PPM1L: variants seen among roughly 807,000 people sequenced by gnomAD.
PPM1L encodes protein phosphatase 1L.
Under a neutral mutation model 31.4 loss-of-function variants are expected in PPM1L, and 13 were observed. The ratio of observed to expected loss-of-function variants is 0.41; its 90% CI spans 0.27 to 0.66. The LOEUF is 0.66. Among genes scored for constraint, PPM1L ranks in the 30% least tolerant of loss-of-function variants. PPM1L has a pLI of 0.29. For synonymous variants in PPM1L, 184 were observed against 175.4 expected, an observed-to-expected ratio of 1.05 and a Z score of -0.39; for missense variants, 326 against 453.7, an observed-to-expected ratio of 0.72 and a Z score of 2.56.
At chr3:160,810,885 T>C (rs1712784464) in intron 1 of PPM1L, among the ~76,000 whole-genome samples, 1 of 152,208 alleles carries the variant, frequency 6.6e-6, no homozygotes, top group Non-Finnish European at 1.5e-5. Flanking sequence ...ATTTCAGGGA[T>C]ATTCAAAAGC....
chr3:160,921,678 A>C (rs1305653353), intron 1 of PPM1L, among the ~76,000 whole-genome samples: 1 of 152,178 alleles, frequency 6.6e-6, no homozygotes, highest in Admixed American at 6.5e-5. Flanking sequence ...GTGATCCTCA[A>C]ATTTTCTCAA....
At chr3:160,987,851 T>G (rs1024535328) in intron 2 of PPM1L, among the ~76,000 whole-genome samples, 7 of 152,260 alleles carry the variant, frequency 4.6e-5, no homozygotes, top group Non-Finnish European at 7.3e-5. Context: ...TAAAATGAGT[T>G]TTTAAATCGT....
At chr3:160,970,410 G>A (rs963471731) in intron 2 of PPM1L, among the ~76,000 whole-genome samples, 1 of 151,140 alleles carries the variant, frequency 6.6e-6, no homozygotes, top group Non-Finnish European at 1.5e-5. Flanking sequence ...AGGCTACGTA[G>A]GTGACTAATT....
chr3:160,939,447 T>C (rs1181868766), intron 1 of PPM1L, among the ~76,000 whole-genome samples: 1 of 152,148 alleles, frequency 6.6e-6, no homozygotes, highest in African/African-American at 2.4e-5. Flanking sequence ...TATGATATGG[T>C]TTGGCTGTGT....
intron 1 of PPM1L, among the ~76,000 whole-genome samples, chr3:160,862,658 ACACG>A (rs1352723826): frequency 9.3e-6 from 1 of 108,050 alleles, no homozygotes; most frequent in Non-Finnish European, 1.8e-5. Flanking sequence ...AATCCTAGGC[ACACG>A]CACACACACA....
intron 2 of PPM1L, among the ~76,000 whole-genome samples, chr3:160,985,114 A>G (rs1255852460): frequency 6.6e-6 from 1 of 152,200 alleles, no homozygotes; most frequent in African/African-American, 2.4e-5. Context: ...CTGCATTCAG[A>G]TGAATTACAC....
intron 1 of PPM1L, among the ~76,000 whole-genome samples, chr3:160,931,067 T>C (rs1714770106): frequency 1.3e-5 from 2 of 152,222 alleles, no homozygotes; most frequent in African/African-American, 4.8e-5. Flanking sequence ...TTCAGTTACA[T>C]GCTCTTCTAA....
chr3:161,038,089 C>T (rs1350602121), intron 2 of PPM1L, among the ~76,000 whole-genome samples: 1 of 151,712 alleles, frequency 6.6e-6, no homozygotes, highest in Non-Finnish European at 1.5e-5. Flanking sequence ...GAAAAATTAG[C>T]CGGGCGTAGT....
At chr3:160,875,252 A>C (rs1712465356) in intron 1 of PPM1L, among the ~76,000 whole-genome samples, 1 of 152,202 alleles carries the variant, frequency 6.6e-6, no homozygotes, top group Admixed American at 6.5e-5. Context: ...ACATTTTTGC[A>C]TCTTACAGTT....
At chr3:160,973,745 T>C (rs1472791390) in intron 2 of PPM1L, among the ~76,000 whole-genome samples, 1 of 136,278 alleles carries the variant, frequency 7.3e-6, no homozygotes, top group Non-Finnish European at 1.6e-5. Context: ...ATCTGGTAAA[T>C]TGCCTTCTGA....
At chr3:160,899,085 T>C (rs1713449985) in intron 1 of PPM1L, among the ~76,000 whole-genome samples, 1 of 152,166 alleles carries the variant, frequency 6.6e-6, no homozygotes, top group Non-Finnish European at 1.5e-5. Flanking sequence ...TGTTTTATTA[T>C]GTAAACCTAC....
chr3:160,980,030 G>A (rs1267472028), intron 2 of PPM1L, among the ~76,000 whole-genome samples: 1 of 151,940 alleles, frequency 6.6e-6, no homozygotes, highest in Non-Finnish European at 1.5e-5. Context: ...TCTACCCTGG[G>A]CCAGAACTGG....
chr3:160,832,167 T>C (rs1364081928), intron 1 of PPM1L, among the ~76,000 whole-genome samples: 1 of 152,192 alleles, frequency 6.6e-6, no homozygotes, highest in Admixed American at 6.5e-5. Context: ...TTGAGTTAAC[T>C]AACTAGAGTA....
chr3:161,038,886 A>T (rs921820443), intron 2 of PPM1L, among the ~76,000 whole-genome samples: 6 of 152,192 alleles, frequency 3.9e-5, no homozygotes, highest in Admixed American at 3.9e-4. Context: ...TCAGCAAAAA[A>T]TACAGGTCAT....
chr3:160,794,756 C>T (rs934258099), intron 1 of PPM1L, among the ~76,000 whole-genome samples: 11 of 152,078 alleles, frequency 7.2e-5, no homozygotes, highest in Admixed American at 4.6e-4. Context: ...ACATAAAATA[C>T]GCTAACATGA....
At chr3:160,869,866 A>G (rs2108028511) in intron 1 of PPM1L, among the ~76,000 whole-genome samples, 1 of 152,312 alleles carries the variant, frequency 6.6e-6, no homozygotes, top group Middle Eastern at 3.4e-3. Context: ...ATGTAGTTGC[A>G]TAGAGCTTAG....
In PPM1L at chr3:160,771,543, CTT is replaced by C. The variant is rs745978148; in HGVS notation, c.399+14862_399+14863del. On this transcript the variant is annotated intron_variant, in intron 1 of 3. Coordinates refer to ENST00000498165, the MANE Select transcript of PPM1L (RefSeq NM_139245.4). ...TAGTCACGAGCCACCAAGGCTGGCTCTTTTTTTTTTTTTTTTTTTTTTTTTTT... is the reference window on the plus strand; with the variant it reads ...TAGTCACGAGCCACCAAGGCTGGCTCTTTTTTTTTTTTTTTTTTTTTTTTT... Among the ~76,000 whole-genome samples, 322 of 77,364 alleles carry C rather than the reference CTT, an allele frequency of 4.2e-3. 1 individual carries two copies. Among genetic ancestry groups the C allele is most frequent in the South Asian group, 0.012 (20 of 1,656 alleles). 50.8% of individuals were successfully genotyped at this position (77,364 alleles called of 152,430 possible). A position where few individuals can be genotyped will look rare whatever the true frequency, so the allele number is the denominator to read the frequency against.
intron 1 of PPM1L, among the ~76,000 whole-genome samples, chr3:160,851,727 A>G (rs1333171014): frequency 6.6e-6 from 1 of 152,124 alleles, no homozygotes; most frequent in African/African-American, 2.4e-5. Flanking sequence ...TCTAGAGGGA[A>G]AGATCCGATA....
At chr3:160,807,512 ATAT>A (rs1306163816) in intron 1 of PPM1L, among the ~76,000 whole-genome samples, 3 of 152,124 alleles carry the variant, frequency 2.0e-5, no homozygotes, top group African/African-American at 7.2e-5. Context: ...TCTTTCTTCC[ATAT>A]TCTTCTTTGT....
Sources: gnomAD v4.1 joint callset for allele counts (sites outside exome capture counted in the v4.1 genomes callset) on GRCh38, gnomAD v4.1.1 for gene constraint, MANE v1.5 for transcripts, NCBI Gene and HGNC (gene_info 2026-07-23, HGNC 2026-07-21) for gene names.